FRMPD4: variants seen among roughly 807,000 people sequenced by gnomAD.
FRMPD4 encodes FERM and PDZ domain-containing protein 4.
Under a neutral mutation model 94.1 loss-of-function variants are expected in FRMPD4, and 22 were observed. The observed-to-expected ratio is 0.23, with a 90% CI of 0.17 to 0.33. FRMPD4 has a LOEUF of 0.33. FRMPD4 is among the 10% of genes least tolerant of loss of function. The pLI, the probability that FRMPD4 is intolerant of heterozygous loss-of-function variation, is 1.00. For synonymous variants in FRMPD4, 631 were observed against 548.6 expected (o/e 1.15, Z -2.10); for missense variants, 1,111 against 1,339.9 (o/e 0.83, Z 2.67).
chrX:11,842,331 C>T (rs2053542212), intron 1 of FRMPD4, among the ~76,000 whole-genome samples: 1 of 99,957 alleles, frequency 1.0e-5, no homozygotes, highest in Non-Finnish European at 2.0e-5. Context: ...CTATAAATTA[C>T]CTTGGGCAGT....
At chrX:12,547,786 C>T (rs1442625909) in intron 2 of FRMPD4, among the ~76,000 whole-genome samples, 2 of 112,104 alleles carry the variant, frequency 1.8e-5, no homozygotes, top group Non-Finnish European at 3.8e-5. Flanking sequence ...TAACAAACAT[C>T]AACCTTAAAA....
intron 4 of FRMPD4, among the ~76,000 whole-genome samples, chrX:12,669,460 A>G (rs188106488): frequency 9.5e-5 from 10 of 105,064 alleles, no homozygotes; most frequent in Non-Finnish European, 1.2e-4. Context: ...ACTGTGAGAT[A>G]ATAAGTGGGT....
chrX:12,099,610 T>C (rs2055236943), intron 3 of FRMPD4, among the ~76,000 whole-genome samples: 1 of 112,340 alleles, frequency 8.9e-6, no homozygotes, highest in Non-Finnish European at 1.9e-5. Flanking sequence ...TTTGAGACTA[T>C]AAATTTTATA....
chrX:12,019,643 T>G (rs2054622604), intron 3 of FRMPD4, among the ~76,000 whole-genome samples: 1 of 110,438 alleles, frequency 9.1e-6, no homozygotes, highest in Non-Finnish European at 1.9e-5. Context: ...TGCTCACTTT[T>G]TTTTTTTTAA....
chrX:12,102,232 G>A (rs2055261599), intron 3 of FRMPD4, among the ~76,000 whole-genome samples: 1 of 111,641 alleles, frequency 9.0e-6, no homozygotes, highest in African/African-American at 3.3e-5. Context: ...TCCTTAGCAT[G>A]TGAACACCTT....
At chrX:12,084,734 A>G (rs1481183689) in intron 3 of FRMPD4, among the ~76,000 whole-genome samples, 1 of 112,447 alleles carries the variant, frequency 8.9e-6, no homozygotes, top group Non-Finnish European at 1.9e-5. Flanking sequence ...GGAAAATTCC[A>G]GAAGAAAGAA....
At chrX:11,984,004 T>C in intron 3 of FRMPD4, among the ~76,000 whole-genome samples, 1 of 111,656 alleles carries the variant, frequency 9.0e-6, no homozygotes, top group East Asian at 2.8e-4. Context: ...AAATGTACTT[T>C]AAAGATTTTT....
At chrX:12,028,185 C>T (rs1361188796) in intron 3 of FRMPD4, among the ~76,000 whole-genome samples, 4 of 112,019 alleles carry the variant, frequency 3.6e-5, no homozygotes, top group African/African-American at 1.3e-4. Flanking sequence ...GTCTTTTGCA[C>T]TTATAGGACT....
intron 1 of FRMPD4, among the ~76,000 whole-genome samples, chrX:12,438,664 G>T (rs1396805815): frequency 9.0e-6 from 1 of 111,105 alleles, no homozygotes; most frequent in Non-Finnish European, 1.9e-5. Context: ...CTTGTAGGTG[G>T]TAGGTGCTCA....
chrX:12,699,560 C>T (rs911037147), intron 9 of FRMPD4, among the ~76,000 whole-genome samples: 7 of 112,190 alleles, frequency 6.2e-5, no homozygotes, highest in Non-Finnish European at 1.1e-4. Flanking sequence ...ATGCAGAAGC[C>T]ATCCAGGGGT....
intron 3 of FRMPD4, among the ~76,000 whole-genome samples, chrX:12,125,443 C>T (rs2055491199): frequency 8.9e-6 from 1 of 112,060 alleles, no homozygotes; most frequent in South Asian, 3.8e-4. Context: ...CCCAACATTA[C>T]TTTTCTCACC....
chrX:12,410,273 C>T (rs945213746), intron 1 of FRMPD4, among the ~76,000 whole-genome samples: 5 of 111,635 alleles, frequency 4.5e-5, no homozygotes, highest in African/African-American at 1.6e-4. Flanking sequence ...TGTGTGCATT[C>T]GTTTTTGCAA....
intron 1 of FRMPD4, among the ~76,000 whole-genome samples, chrX:12,442,645 C>T (rs1035422783): frequency 4.9e-4 from 55 of 111,229 alleles, no homozygotes; most frequent in African/African-American, 1.7e-3. Flanking sequence ...AATAATGGTG[C>T]GACCATCTTG....
At position 12,046,684 on chromosome X, in the gene FRMPD4, G is replaced by A. The variant is rs184348864; in HGVS notation, c.95+168666G>A. Among the ~76,000 whole-genome samples the A allele has an allele frequency of 1.4e-4, 16 of 112,284 alleles. No individual in the cohort carries two copies. The East Asian group carries it at 4.2e-3, about 30-fold the overall frequency. Reference sequence around the variant, plus strand: ...GGATACAGATGAAGACATGTGAAGGGTGAGGGATGGGGGAAGGGGCATGGG... The same window carrying A: ...GGATACAGATGAAGACATGTGAAGGATGAGGGATGGGGGAAGGGGCATGGG... On this transcript the variant is annotated intron_variant, in intron 3 of 18. Transcript: ENST00000640291.
intron 1 of FRMPD4, among the ~76,000 whole-genome samples, chrX:12,158,165 AGT>A (rs375601353): frequency 2.1e-4 from 23 of 111,787 alleles, no homozygotes; most frequent in African/African-American, 7.5e-4. Context: ...AAGACTTGAG[AGT>A]GTATTCCAAT....
intron 1 of FRMPD4, among the ~76,000 whole-genome samples, chrX:12,348,418 A>C (rs1262866756): frequency 9.0e-6 from 1 of 111,117 alleles, no homozygotes; most frequent in Non-Finnish European, 1.9e-5. Flanking sequence ...TTCATTTCTC[A>C]TGCTAGAAGA....
chrX:12,388,850 T>TATATATATATATATATATATATATAC (rs1491368741), intron 1 of FRMPD4, among the ~76,000 whole-genome samples: 4 of 73,458 alleles, frequency 5.4e-5, no homozygotes, highest in African/African-American at 2.6e-4. Context: ...TATATATATA[T>TATATATATATATATATATATATATAC]ACACACAATG....
rs190133426 is a variant in FRMPD4 at position 12,620,592 on chromosome X, C to A, written c.422+5711C>A. On this transcript the variant is annotated intron_variant, in intron 4 of 16. Coordinates refer to ENST00000675598, the MANE Select transcript of FRMPD4 (RefSeq NM_001368397.1). ...ATGAAGATCCTAGAAGCATTCCAGT[C>A]CACTCAGGAATGAGATAGGATCCAT... is the stretch of plus-strand genomic sequence containing the variant. 2.9e-3 allele frequency among the ~76,000 whole-genome samples: 329 copies of A among 112,254 alleles called. 1 individual carries two copies. The highest frequency in any genetic ancestry group is 9.9e-3 in the African/African-American group (307 of 30,911).
chrX:12,067,788 T>G (rs993099405), intron 3 of FRMPD4, among the ~76,000 whole-genome samples: 6 of 112,228 alleles, frequency 5.3e-5, no homozygotes, highest in Middle Eastern at 4.6e-3. Flanking sequence ...ATGCCCAAGT[T>G]ACTGATCTGA....
Sources: allele counts gnomAD v4.1 joint callset (sites outside exome capture counted in the v4.1 genomes callset), GRCh38; gene constraint gnomAD v4.1.1; transcripts MANE v1.5; gene names NCBI Gene and HGNC (gene_info 2026-07-23, HGNC 2026-07-21).